CDH13: variants seen among roughly 807,000 people sequenced by gnomAD.
The protein encoded by CDH13 is cadherin 13, also known as cadherin-13.
Under a neutral mutation model 63.8 loss-of-function variants are expected in CDH13, and 24 were observed. The observed-to-expected ratio is 0.38, with a 90% CI of 0.27 to 0.53. The LOEUF is 0.53. CDH13 is among the 20% of genes least tolerant of loss of function. CDH13 has a pLI of 0.85. For synonymous variants in CDH13, 503 were observed against 355.3 expected, an observed-to-expected ratio of 1.42 and a Z score of -4.67; for missense variants, 1,049 against 903.1, an observed-to-expected ratio of 1.16 and a Z score of -2.07.
At chr16:83,496,391 G>GA (rs879781416) in intron 7 of CDH13, among the ~76,000 whole-genome samples, 1 of 150,528 alleles carries the variant, frequency 6.6e-6, no homozygotes, top group Non-Finnish European at 1.5e-5. Context: ...ACAAACCTGA[G>GA]AAAAACAAGC....
chr16:83,061,471 G>A (rs894051981), intron 3 of CDH13, among the ~76,000 whole-genome samples: 1 of 152,146 alleles, frequency 6.6e-6, no homozygotes, highest in Non-Finnish European at 1.5e-5. Flanking sequence ...TGAGTAACTG[G>A]CAGGTCCAGA....
chr16:83,069,918 C>A (rs1046251093), intron 3 of CDH13, among the ~76,000 whole-genome samples: 1 of 152,060 alleles, frequency 6.6e-6, no homozygotes, highest in African/African-American at 2.4e-5. Flanking sequence ...AGACAGAAAT[C>A]GGCAATCAGT....
intron 10 of CDH13, 57 bp downstream of exon 10, chr16:83,678,518 T>C: frequency 6.3e-7 from 1 of 1,599,692 alleles, no homozygotes; most frequent in Non-Finnish European, 8.5e-7. Flanking sequence ...GCTTTTCCTT[T>C]CCAGTCGCAG....
At chr16:83,447,538 T>C (rs531299466) in intron 6 of CDH13, among the ~76,000 whole-genome samples, 5 of 151,986 alleles carry the variant, frequency 3.3e-5, no homozygotes, top group East Asian at 1.9e-4. Flanking sequence ...ATAAACACCA[T>C]TGGTGCTGTT....
At position 83,797,691 on chromosome 16, in the gene CDH13, A is replaced by ACTT. The variant is rs1268801340; in HGVS notation, c.*2662_*2664dup. The ACTT allele has an allele frequency of 2.0e-5, 3 of 152,218 alleles. No individual in the cohort carries two copies. Among genetic ancestry groups the ACTT allele is most frequent in the African/African-American group, 7.2e-5 (3 of 41,454 alleles). 9.4% of individuals were successfully genotyped at this position (152,218 alleles called of 1,614,324 possible). ...TACCTATGCATTTTATCTGAGTCCA[A>ACTT]CTTATTAAAAAACGAAGTCAAGTAA... On this transcript the variant is annotated 3_prime_UTR_variant, in exon 14 of 14. Coordinates refer to ENST00000567109, the MANE Select transcript of CDH13 (RefSeq NM_001257.5).
chr16:83,186,145 ATTTTATTT>A (rs1172937088), intron 4 of CDH13, among the ~76,000 whole-genome samples: 2 of 129,596 alleles, frequency 1.5e-5, no homozygotes, highest in African/African-American at 6.1e-5. Flanking sequence ...ATTTTATTTT[ATTTTATTT>A]GAGACAGAAT....
chr16:83,132,571 C>G (rs745651132), intron 4 of CDH13, among the ~76,000 whole-genome samples: 2 of 151,272 alleles, frequency 1.3e-5, no homozygotes, highest in African/African-American at 4.9e-5. Context: ...CTCAGCCTCC[C>G]TAACTGGGAC....
chr16:83,492,283 G>A (rs1422548519), intron 7 of CDH13, among the ~76,000 whole-genome samples: 1 of 152,118 alleles, frequency 6.6e-6, no homozygotes, highest in East Asian at 1.9e-4. Flanking sequence ...GAAAATAAAT[G>A]TTTTTAGGCC....
intron 2 of CDH13, among the ~76,000 whole-genome samples, chr16:82,928,929 A>G (rs930020153): frequency 6.6e-6 from 1 of 152,186 alleles, no homozygotes; most frequent in Admixed American, 6.5e-5. Context: ...GAATGGGAAG[A>G]GATGTTTCAG....
At chr16:83,036,594 C>G (rs1443667925) in intron 3 of CDH13, among the ~76,000 whole-genome samples, 1 of 152,152 alleles carries the variant, frequency 6.6e-6, no homozygotes, top group Non-Finnish European at 1.5e-5. Context: ...AGGACCAGCT[C>G]AGTGCCCTTC....
intron 4 of CDH13, among the ~76,000 whole-genome samples, chr16:83,147,480 C>G (rs533800864): frequency 6.6e-6 from 1 of 152,228 alleles, no homozygotes; most frequent in African/African-American, 2.4e-5. Context: ...CAAGTCATTT[C>G]TGATCTGGTG....
At chr16:83,150,314 C>T (rs148862822) in intron 4 of CDH13, among the ~76,000 whole-genome samples, 5 of 152,334 alleles carry the variant, frequency 3.3e-5, no homozygotes, top group East Asian at 1.9e-4. Flanking sequence ...CTCTCTGTCT[C>T]ATGTCTATGT....
At chr16:83,245,181 G>T (rs1904867710) in intron 5 of CDH13, among the ~76,000 whole-genome samples, 1 of 151,606 alleles carries the variant, frequency 6.6e-6, no homozygotes, top group Admixed American at 6.6e-5. Context: ...ATTTTAAGCT[G>T]CTTTCTTTAC....
intron 2 of CDH13, among the ~76,000 whole-genome samples, chr16:82,978,958 A>G (rs1433671557): frequency 1.3e-5 from 2 of 152,134 alleles, no homozygotes; most frequent in African/African-American, 4.8e-5. Flanking sequence ...GGGGGGTTGT[A>G]CCCTGCAAAG....
intron 3 of CDH13, among the ~76,000 whole-genome samples, chr16:83,075,451 G>A (rs531438348): frequency 6.6e-6 from 1 of 152,292 alleles, no homozygotes. Flanking sequence ...TTGGGGTGAA[G>A]GACAATGTTC....
At chr16:83,685,043 A>C (rs937147125) in intron 10 of CDH13, among the ~76,000 whole-genome samples, 1 of 152,176 alleles carries the variant, frequency 6.6e-6, no homozygotes, top group African/African-American at 2.4e-5. Flanking sequence ...TAGTGCTCCA[A>C]CCTTCATATC....
At chr16:83,183,113 G>A (rs561446528) in intron 4 of CDH13, among the ~76,000 whole-genome samples, 7 of 152,008 alleles carry the variant, frequency 4.6e-5, no homozygotes, top group Non-Finnish European at 8.8e-5. Context: ...CTTAAGAGTC[G>A]GAAGAAACAT....
intron 8 of CDH13, among the ~76,000 whole-genome samples, chr16:83,658,702 ATCCTCACCAGCAAGGTCTCATG>A (rs1913129894): frequency 7.2e-6 from 1 of 138,162 alleles, no homozygotes. Context: ...CAGGTCCCAT[ATCCTCACCAGCAAGGTCTCATG>A]TCCTCACCAC....
intron 6 of CDH13, among the ~76,000 whole-genome samples, chr16:83,413,150 G>A (rs1181481544): frequency 1.3e-5 from 2 of 152,146 alleles, no homozygotes; most frequent in Non-Finnish European, 2.9e-5. Flanking sequence ...TAATGTTATT[G>A]TAATACTCAA....
Sources: gnomAD v4.1 joint callset for allele counts (sites outside exome capture counted in the v4.1 genomes callset) on GRCh38, gnomAD v4.1.1 for gene constraint, MANE v1.5 for transcripts, NCBI Gene and HGNC (gene_info 2026-07-23, HGNC 2026-07-21) for gene names.